The following GDAP2 variants were observed in gnomAD, a reference collection of about 807,000 sequenced individuals.
GDAP2 encodes the protein ganglioside induced differentiation associated protein 2.
GDAP2 carries 51 observed loss-of-function variants against 67.0 expected under a neutral mutation model. That is an observed-to-expected ratio of 0.76 (90% CI 0.61 to 0.96). GDAP2 has a LOEUF of 0.96. Ranked by LOEUF, GDAP2 falls within the 40% of genes least tolerant of loss-of-function variation. The pLI is 0.00. For missense variants in GDAP2, 547 were observed against 588.3 expected (o/e 0.93, Z 0.73); for synonymous variants, 203 against 207.3 (o/e 0.98, Z 0.18).
chr1:117,906,931 T>C (rs1406787551), intron 5 of GDAP2, among the ~76,000 whole-genome samples: 1 of 152,236 alleles, frequency 6.6e-6, no homozygotes. Flanking sequence ...CCGTAGAAGA[T>C]GCTGACTCTA....
At chr1:117,909,068 A>G (rs1009170107) in intron 5 of GDAP2, among the ~76,000 whole-genome samples, 7 of 152,080 alleles carry the variant, frequency 4.6e-5, no homozygotes, top group African/African-American at 1.7e-4. Flanking sequence ...TTTTAGTACT[A>G]AAGGCCAGGC....
Position 117,896,870 on chromosome 1 carries a change from A to T in GDAP2, c.916T>A (p.Leu306Ile), listed in dbSNP as rs1293984007. 3 of 1,613,074 alleles carry T rather than the reference A, an allele frequency of 1.9e-6. No individual in the cohort carries two copies. Among genetic ancestry groups the T allele is most frequent in the Non-Finnish European group, 2.5e-6 (3 of 1,179,446 alleles). ...KQRKLILQGQ[L>I]SEAALQKQHQ... Reference sequence around the variant, plus strand: ...TGCTTCTGCAGAGCTGCCTCTGATAATTGTCCCTGAAGGATCAGTTTTCTT... The same window carrying T: ...TGCTTCTGCAGAGCTGCCTCTGATATTTGTCCCTGAAGGATCAGTTTTCTT... Residue 306 changes from leucine (L) to isoleucine (I), a missense_variant, in exon 8 of 14, where the codon TTA becomes ATA. Coordinates refer to ENST00000369443, the MANE Select transcript of GDAP2 (RefSeq NM_017686.4).
chr1:117,884,813 C>CGT (rs35296112), intron 10 of GDAP2, among the ~76,000 whole-genome samples: 5,378 of 147,892 alleles, frequency 0.036, 99 homozygotes, highest in South Asian at 0.048. Flanking sequence ...TTATTCCCTC[C>CGT]GTGTGTGTGT....
chr1:117,903,069 C>T (rs545408279), intron 6 of GDAP2, among the ~76,000 whole-genome samples: 1 of 151,992 alleles, frequency 6.6e-6, no homozygotes, highest in Non-Finnish European at 1.5e-5. Context: ...CCGGATTGGT[C>T]ATTGTTAGTG....
At chr1:117,884,811 TCC>T (rs1180782594) in intron 10 of GDAP2, among the ~76,000 whole-genome samples, 8 of 131,260 alleles carry the variant, frequency 6.1e-5, no homozygotes, top group African/African-American at 2.2e-4. Flanking sequence ...GTTTATTCCC[TCC>T]GTGTGTGTGT....
At chr1:117,927,283 T>C (rs1650484480) in intron 1 of GDAP2, among the ~76,000 whole-genome samples, 5 of 152,130 alleles carry the variant, frequency 3.3e-5, no homozygotes, top group Admixed American at 3.3e-4. Context: ...CTGCTTAATA[T>C]GAATAATTGG....
intron 4 of GDAP2, 136 bp downstream of exon 4, chr1:117,912,394 T>G: frequency 1.0e-5 from 7 of 679,514 alleles, no homozygotes; most frequent in Non-Finnish European, 1.7e-5. Context: ...AGGGTCCTCC[T>G]AAATCACCTA....
chr1:117,898,315 A>G, intron 7 of GDAP2, among the ~76,000 whole-genome samples: 1 of 152,172 alleles, frequency 6.6e-6, no homozygotes, highest in East Asian at 1.9e-4. Context: ...GTTTCCAGAT[A>G]TTTCACATTT....
chr1:117,929,587 C>G lies in GDAP2; in HGVS notation c.-207G>C, dbSNP rs1477549914. On this transcript the variant is annotated 5_prime_UTR_variant, in exon 1 of 14. Coordinates refer to ENST00000369443, the MANE Select transcript of GDAP2 (RefSeq NM_017686.4). ...CAAAGTCCCAGGAGACTGGAGTGAC[C>G]AGCTGCAAATGCTCTGGGCTGCGAA... The G allele has an allele frequency of 6.6e-6, 1 of 152,322 alleles. No homozygotes were observed. Among genetic ancestry groups the G allele is most frequent in the Non-Finnish European group, 1.5e-5 (1 of 68,122 alleles). 9.4% of individuals were successfully genotyped at this position (152,322 alleles called of 1,614,324 possible). A position where few individuals can be genotyped will look rare whatever the true frequency, so the allele number is the denominator to read the frequency against.
At chr1:117,916,736 G>T in intron 3 of GDAP2, among the ~76,000 whole-genome samples, 1 of 152,092 alleles carries the variant, frequency 6.6e-6, no homozygotes, top group Non-Finnish European at 1.5e-5. Flanking sequence ...TTCCTTGAAT[G>T]AAAAATGGAA....
At chr1:117,883,253 G>A (rs1256814072) in intron 11 of GDAP2, 1 of 398,282 alleles carries the variant, frequency 2.5e-6, no homozygotes, top group Admixed American at 4.1e-5. Context: ...TAGTATTTTT[G>A]TTATTTTATC....
chr1:117,878,267 A>G (rs951997366), intron 12 of GDAP2, 115 bp from the exon 13 acceptor site: 9 of 544,994 alleles, frequency 1.7e-5, no homozygotes, highest in African/African-American at 3.8e-5. Context: ...TAAAATAACT[A>G]GTGTTTTCAA....
intron 1 of GDAP2, among the ~76,000 whole-genome samples, chr1:117,928,603 A>C (rs570754374): frequency 6.6e-6 from 1 of 152,358 alleles, no homozygotes; most frequent in East Asian, 1.9e-4. Flanking sequence ...CCACAGTCTC[A>C]TCATACGCAT....
rs140522627 is a variant in GDAP2 at position 117,929,077 on chromosome 1, T to C, written c.-68+371A>G. On this transcript the variant is annotated intron_variant, in intron 1 of 13. Coordinates refer to ENST00000369443, the MANE Select transcript of GDAP2 (RefSeq NM_017686.4). ...ACCCCTCACCCGAGGTGCTCTCGGT[T>C]CCGTAGAATGTCCAGTCCACAGGAA... 7.0e-3 allele frequency among the ~76,000 whole-genome samples: 1,071 copies of C among 152,126 alleles called. 17 individuals are homozygous for C. Among genetic ancestry groups the C allele is most frequent in the African/African-American group, 0.025 (1,030 of 41,492 alleles).
At position 117,872,248 on chromosome 1, in the gene GDAP2, T is replaced by C. The variant is rs182151682; in HGVS notation, c.1447-1632A>G. The stretch of plus-strand genomic sequence containing the variant: ...CACTTTCACACTGTTGGTGGGAATG[T>C]AAATTAGTTCAACCACTGTGGAAGA... On this transcript the variant is annotated intron_variant, in intron 13 of 13. Transcript: ENST00000369443. Among the ~76,000 whole-genome samples, 39 of 152,332 alleles carry C rather than the reference T, an allele frequency of 2.6e-4. No homozygotes were observed. The East Asian group carries it at 3.5e-3, about 14-fold the overall frequency.
At chr1:117,886,537 A>G (rs1308086541) in intron 10 of GDAP2, 40 bp downstream of exon 10, 4 of 1,052,806 alleles carry the variant, frequency 3.8e-6, no homozygotes, top group Non-Finnish European at 6.0e-6. Context: ...TATTTTTTCA[A>G]TCAACATTGT....
At position 117,919,340 on chromosome 1, in the gene GDAP2, C is replaced by G. The variant is rs192571513; in HGVS notation, c.177-604G>C. On this transcript the variant is annotated intron_variant, in intron 2 of 13. Transcript: ENST00000369443. Reference sequence around the variant, plus strand: ...AGTGAGCCGAGATCACGCCACTGCACTCCAGCCTGGGCGACAGAGCAAGAC... The same window carrying G: ...AGTGAGCCGAGATCACGCCACTGCAGTCCAGCCTGGGCGACAGAGCAAGAC... Among the ~76,000 whole-genome samples, 494 of 150,436 alleles carry G rather than the reference C, an allele frequency of 3.3e-3. 1 individual carries two copies. Among genetic ancestry groups the G allele is most frequent in the Non-Finnish European group, 5.9e-3 (398 of 67,824 alleles).
intron 13 of GDAP2, chr1:117,877,169 G>T: frequency 2.7e-6 from 1 of 368,472 alleles, no homozygotes; most frequent in Non-Finnish European, 3.8e-6. Context: ...ACTTTACTCT[G>T]CACATAAGGG....
In GDAP2 at chr1:117,896,921, G is replaced by A. The variant is rs779308481; in HGVS notation, c.865C>T (p.Arg289Ter). 5 of 1,611,266 alleles carry A rather than the reference G, an allele frequency of 3.1e-6. No homozygotes were observed. Among genetic ancestry groups the A allele is most frequent in the East Asian group, 2.2e-5 (1 of 44,820 alleles). ...TGCTTGTCAATATCTCCTTCCATTCGAGCAAAAGCATGAGAGCCAATGAAA... is the reference window on the plus strand; with the variant it reads ...TGCTTGTCAATATCTCCTTCCATTCAAGCAAAAGCATGAGAGCCAATGAAA... Reference protein sequence around the residue: ...LSFIGSHAFARMEGDIDKQRK... With the variant: ...LSFIGSHAFA The change falls in exon 8 of 14, where the codon CGA (arginine) becomes TGA (stop). Residue 289 changes from arginine to a stop codon, truncating the protein, a stop_gained. Transcript: ENST00000369443. LOFTEE classifies it high-confidence loss of function.
Sources: gnomAD v4.1 joint callset for allele counts (sites outside exome capture counted in the v4.1 genomes callset) on GRCh38, gnomAD v4.1.1 for gene constraint, MANE v1.5 for transcripts, NCBI Gene and HGNC (gene_info 2026-07-23, HGNC 2026-07-21) for gene names.